NRXN3: variants seen among roughly 807,000 people sequenced by gnomAD.
NRXN3 encodes neurexin 3, also known as neurexin III.
Under a neutral mutation model 137.6 loss-of-function variants are expected in NRXN3, and 32 were observed. That is an observed-to-expected ratio of 0.23 (90% CI 0.18 to 0.31). The LOEUF is 0.31. Among genes scored for constraint, NRXN3 ranks in the 10% least tolerant of loss-of-function variants. The pLI, the probability that NRXN3 is intolerant of heterozygous loss-of-function variation, is 1.00. For synonymous variants in NRXN3, 798 were observed against 784.5 expected (o/e 1.02, Z -0.29); for missense variants, 1,574 against 2,062.5 (o/e 0.76, Z 4.59).
intron 15 of NRXN3, among the ~76,000 whole-genome samples, chr14:79,413,704 AT>A (rs1484672776): frequency 6.6e-6 from 1 of 151,974 alleles, no homozygotes; most frequent in African/African-American, 2.4e-5. Context: ...CCCTCCTCTT[AT>A]ATCTATCTTA....
chr14:78,250,912 C>T (rs889530736), intron 2 of NRXN3, among the ~76,000 whole-genome samples: 6 of 151,960 alleles, frequency 3.9e-5, no homozygotes, highest in Non-Finnish European at 7.4e-5. Context: ...AGGTTATCAG[C>T]TTGGCCTGTC....
intron 4 of NRXN3, among the ~76,000 whole-genome samples, chr14:78,487,534 G>A (rs2095582536): frequency 6.6e-6 from 1 of 152,164 alleles, no homozygotes; most frequent in African/African-American, 2.4e-5. Context: ...CTTGAGGTCA[G>A]GAGTTCAAGA....
intron 15 of NRXN3, among the ~76,000 whole-genome samples, chr14:79,405,122 C>T (rs2095285220): frequency 6.6e-6 from 1 of 152,166 alleles, no homozygotes; most frequent in East Asian, 1.9e-4. Context: ...TAGCAACAGG[C>T]CAGTGAAACA....
chr14:79,470,919 T>A (rs145149494), intron 16 of NRXN3, among the ~76,000 whole-genome samples: 6,208 of 131,334 alleles, frequency 0.047, 330 homozygotes, highest in African/African-American at 0.15. Context: ...TGTGTGTGTG[T>A]GAGAGAGAGA....
intron 4 of NRXN3, among the ~76,000 whole-genome samples, chr14:78,587,490 G>A (rs531538734): frequency 1.3e-5 from 2 of 152,266 alleles, no homozygotes; most frequent in Admixed American, 1.3e-4. Context: ...CAGGATTATT[G>A]TAAATATTAA....
At chr14:79,687,393 C>T (rs2154021714) in intron 17 of NRXN3, among the ~76,000 whole-genome samples, 1 of 152,268 alleles carries the variant, frequency 6.6e-6, no homozygotes, top group East Asian at 1.9e-4. Context: ...TGAAACTTAA[C>T]TTAGAAAGTG....
intron 16 of NRXN3, among the ~76,000 whole-genome samples, chr14:79,517,759 C>T (rs2097008194): frequency 6.6e-6 from 1 of 151,946 alleles, no homozygotes; most frequent in South Asian, 2.1e-4. Context: ...ATTTTAAATT[C>T]ATTTCTGCAC....
chr14:79,772,493 C>G (rs2099081983), intron 19 of NRXN3, among the ~76,000 whole-genome samples: 1 of 152,156 alleles, frequency 6.6e-6, no homozygotes, highest in African/African-American at 2.4e-5. Flanking sequence ...ACTACCTGAT[C>G]TTTGACAAAC....
At position 79,570,680 on chromosome 14, in the gene NRXN3, A is replaced by G. The variant is rs192543110; in HGVS notation, c.3445-93098A>G. 11 of 152,302 alleles carry G rather than the reference A, an allele frequency of 7.2e-5. No homozygotes were observed. In the East Asian group the frequency reaches 2.1e-3, roughly 29 times the overall value. The allele number at this position is 152,302 out of a possible 1,614,324, so 9.4% of individuals were successfully genotyped here. ...GCCATTCGTGATAATTCTAGTGATA[A>G]TTAATCTGCTGAGGCTGCTATAAAA... On this transcript the variant is annotated intron_variant, in intron 16 of 20. Transcript: ENST00000335750.
chr14:78,270,059 C>G (rs138521643), intron 2 of NRXN3, among the ~76,000 whole-genome samples: 161 of 152,244 alleles, frequency 1.1e-3, no homozygotes, highest in African/African-American at 3.8e-3. Flanking sequence ...TAGACTGTCC[C>G]CATTTTACAG....
chr14:79,726,019 G>A (rs954181146), intron 19 of NRXN3, among the ~76,000 whole-genome samples: 15 of 152,070 alleles, frequency 9.9e-5, no homozygotes, highest in African/African-American at 2.9e-4. Context: ...ATGATGGAGT[G>A]AAATCAGACA....
intron 4 of NRXN3, among the ~76,000 whole-genome samples, chr14:78,576,109 T>C (rs2096933260): frequency 6.6e-6 from 1 of 152,212 alleles, no homozygotes. Context: ...CAGAATATTA[T>C]CATAATTAAT....
chr14:78,486,187 A>C (rs1214136782), intron 4 of NRXN3, among the ~76,000 whole-genome samples: 1 of 152,224 alleles, frequency 6.6e-6, no homozygotes, highest in Admixed American at 6.5e-5. Context: ...AAGGAAGGCT[A>C]AAGTGTTGAG....
At chr14:79,521,721 T>A (rs531175376) in intron 16 of NRXN3, among the ~76,000 whole-genome samples, 103 of 152,300 alleles carry the variant, frequency 6.8e-4, no homozygotes, top group African/African-American at 2.5e-3. Context: ...TTGTCAGGGT[T>A]TATTCCATTT....
At chr14:78,933,443 T>G (rs2099327575) in intron 10 of NRXN3, among the ~76,000 whole-genome samples, 1 of 152,226 alleles carries the variant, frequency 6.6e-6, no homozygotes, top group Non-Finnish European at 1.5e-5. Flanking sequence ...GATCTTTAGT[T>G]ATTTGACAGA....
intron 15 of NRXN3, among the ~76,000 whole-genome samples, chr14:79,155,715 G>A (rs1254012184): frequency 6.6e-6 from 1 of 151,650 alleles, no homozygotes; most frequent in Non-Finnish European, 1.5e-5. Flanking sequence ...AAATAAAGGA[G>A]ATTGGCAGAT....
At chr14:78,713,236 G>T (rs2098417565) in intron 7 of NRXN3, among the ~76,000 whole-genome samples, 1 of 152,124 alleles carries the variant, frequency 6.6e-6, no homozygotes, top group Admixed American at 6.5e-5. Context: ...ATTTGATGCT[G>T]TCCAAACTCC....
At chr14:78,263,485 C>A (rs2153477430) in intron 2 of NRXN3, among the ~76,000 whole-genome samples, 1 of 152,296 alleles carries the variant, frequency 6.6e-6, no homozygotes, top group African/African-American at 2.4e-5. Flanking sequence ...GCATTTTTAT[C>A]AATGGAGTAT....
intron 14 of NRXN3, among the ~76,000 whole-genome samples, chr14:78,979,687 A>G (rs1286063540): frequency 6.6e-6 from 1 of 152,196 alleles, no homozygotes; most frequent in Non-Finnish European, 1.5e-5. Context: ...TGAGTAATTT[A>G]TAAAGAAAAA....
Sources: gnomAD v4.1 joint callset for allele counts (sites outside exome capture counted in the v4.1 genomes callset) on GRCh38, gnomAD v4.1.1 for gene constraint, MANE v1.5 for transcripts, NCBI Gene and HGNC (gene_info 2026-07-23, HGNC 2026-07-21) for gene names.